The following TRPA1 variants were observed in gnomAD, a reference collection of about 807,000 sequenced individuals.
TRPA1 encodes the protein transient receptor potential cation channel subfamily A member 1.
A neutral mutation model predicts 131.3 loss-of-function variants in TRPA1; 129 were observed. The ratio of observed to expected loss-of-function variants is 0.98; its 90% confidence interval spans 0.85 to 1.14. The LOEUF (loss-of-function observed/expected upper bound fraction) is 1.14, where lower values mean the gene tolerates loss of function less well. Ranked by LOEUF, TRPA1 falls within the 50% of genes most tolerant of loss-of-function variation. The pLI is 0.00. For synonymous variants in TRPA1, 441 were observed against 451.7 expected (o/e 0.98, Z 0.30); for missense variants, 1,304 against 1,354.2 (o/e 0.96, Z 0.58).
chr8:72,050,824 T>C lies in TRPA1; in HGVS notation c.1859A>G (p.Lys620Arg), dbSNP rs765191132. The change falls in exon 15 of 27, where the codon AAA (lysine) becomes AGA (arginine). Residue 620 changes from lysine to arginine, a missense_variant. Transcript: ENST00000262209. ...KIFSHNSPGN[K>R]CPITEMIEYL... ...TTCTATCATTTCTGTAATTGGACAT[T>C]TATTGCCTGGAGAATTATGACTGAA... The C allele has an allele frequency of 9.3e-6, 15 of 1,612,068 alleles. No individual in the cohort carries two copies. Among genetic ancestry groups the C allele is most frequent in the Admixed American group, 1.7e-5 (1 of 59,910 alleles).
chr8:72,030,183 A>T (rs759926823), intron 23 of TRPA1, among the ~76,000 whole-genome samples: 1 of 152,170 alleles, frequency 6.6e-6, no homozygotes, highest in Non-Finnish European at 1.5e-5. Context: ...CCCATTCCTC[A>T]TAGGTGGCAC....
chr8:72,043,597 C>T (rs1202269915), intron 17 of TRPA1, among the ~76,000 whole-genome samples: 1 of 151,714 alleles, frequency 6.6e-6, no homozygotes, highest in African/African-American at 2.4e-5. Flanking sequence ...AATTCTCAGA[C>T]ATTATCCTTT....
intron 21 of TRPA1, 90 bp downstream of exon 21, chr8:72,036,198 G>A: frequency 7.4e-7 from 1 of 1,342,554 alleles, no homozygotes; most frequent in Non-Finnish European, 1.0e-6. Context: ...AAAGGAATAA[G>A]CCAGTTTTAA....
rs564619453 is a variant in TRPA1, at chr8:72,069,018, C to T, written c.444+5G>A. The T allele has an allele frequency of 1.2e-6, 2 of 1,614,218 alleles. No individual in the cohort carries two copies. Among genetic ancestry groups the T allele is most frequent in the Non-Finnish European group, 1.7e-6 (2 of 1,180,032 alleles). Reference sequence around the variant, plus strand: ...AGGCCCTTTGGAGCCGGCCAGTAGCCTTACCTTCATCACCTCATTATTCAT... The same window carrying T: ...AGGCCCTTTGGAGCCGGCCAGTAGCTTTACCTTCATCACCTCATTATTCAT... On this transcript the variant is annotated splice_donor_5th_base_variant and intron_variant, in intron 3 of 26. Transcript: ENST00000262209.
At chr8:72,048,434 A>C (rs768430771) in intron 15 of TRPA1, among the ~76,000 whole-genome samples, 9 of 152,118 alleles carry the variant, frequency 5.9e-5, no homozygotes, top group Non-Finnish European at 1.3e-4. Context: ...GGGACTAAGA[A>C]AATTACAAGG....
At chr8:72,079,560 A>G (rs749307040), upstream of TRPA1, among the ~76,000 whole-genome samples, 12 of 152,038 alleles carry the variant, frequency 7.9e-5, no homozygotes, top group Non-Finnish European at 1.8e-4. Flanking sequence ...TCCATTGATT[A>G]ATATCTCTAT....
At position 72,053,812 on chromosome 8, in the gene TRPA1, T is replaced by C; in HGVS notation, c.1585A>G (p.Thr529Ala). The C allele has an allele frequency of 6.2e-7, 1 of 1,612,506 alleles. No individual in the cohort carries two copies. Among genetic ancestry groups the C allele is most frequent in the South Asian group, 1.1e-5 (1 of 90,944 alleles). Residue 529 changes from threonine (T) to alanine (A), a missense_variant, in exon 13 of 27, where the codon ACC (threonine) becomes GCC (alanine). Thr to Ala is a moderately conservative substitution (Grantham distance 58). Coordinates refer to ENST00000262209, the MANE Select transcript of TRPA1 (RefSeq NM_007332.3). ...HHASMGGYTQTMKVILDTNLK... is the reference protein window; with the variant it reads ...HHASMGGYTQAMKVILDTNLK... ...TTAGTATCAAGAATGACCTTCATGG[T>C]CTGAGTGTACCCGCCCATGGACGCA... is the stretch of plus-strand genomic sequence containing the variant.
chr8:72,078,199 T>C (rs150045914), upstream of TRPA1, among the ~76,000 whole-genome samples: 447 of 152,178 alleles, frequency 2.9e-3, 2 homozygotes, highest in African/African-American at 9.9e-3. Flanking sequence ...TCCAGATATG[T>C]TATTAATGAA....
intron 17 of TRPA1, among the ~76,000 whole-genome samples, chr8:72,044,564 C>G (rs1473884301): frequency 6.6e-6 from 1 of 151,952 alleles, no homozygotes; most frequent in African/African-American, 2.4e-5. Flanking sequence ...GTAAATAAGA[C>G]AAAGTATCCA....
chr8:72,072,829 A>G (rs1440491518), intron 1 of TRPA1, among the ~76,000 whole-genome samples: 1 of 152,076 alleles, frequency 6.6e-6, no homozygotes, highest in Non-Finnish European at 1.5e-5. Context: ...CCAGTTCCAC[A>G]CTCTTTAGAG....
chr8:72,088,524 G>A, the TRPA1 span, among the ~76,000 whole-genome samples: 1 of 151,980 alleles, frequency 6.6e-6, no homozygotes, highest in Non-Finnish European at 1.5e-5. Context: ...ATGGAAAGGA[G>A]AAAATAACTT....
chr8:72,087,000 A>C, the TRPA1 span, among the ~76,000 whole-genome samples: 2 of 152,322 alleles, frequency 1.3e-5, no homozygotes, highest in South Asian at 4.1e-4. Context: ...TCTCACTCTC[A>C]TTAAAGCTGA....
upstream of TRPA1, among the ~76,000 whole-genome samples, chr8:72,078,635 T>A (rs1182594823): frequency 2.0e-5 from 3 of 152,144 alleles, no homozygotes; most frequent in African/African-American, 7.2e-5. Context: ...GGGTATACCA[T>A]GTTTTCTTTA....
At chr8:72,028,968 G>C (rs1309394138) in intron 24 of TRPA1, among the ~76,000 whole-genome samples, 1 of 152,140 alleles carries the variant, frequency 6.6e-6, no homozygotes, top group African/African-American at 2.4e-5. Flanking sequence ...TAGTCAACTG[G>C]TCACCAAATA....
chr8:72,075,334 G>C lies in TRPA1; in HGVS notation c.76C>G (p.Pro26Ala), dbSNP rs1806151149. Residue 26 changes from proline to alanine, a missense_variant, in exon 1 of 27, where the codon CCG (proline) becomes GCG (alanine). Transcript: ENST00000262209. ...EPQGVVYEDV[P>A]DDTEDFKESL... The stretch of plus-strand genomic sequence containing the variant: ...TCCTTGAAATCCTCCGTGTCGTCCG[G>C]CACATCCTCATAGACAACGCCCTGG... 6.2e-7 allele frequency: 1 copy of C among 1,613,148 alleles called. No individual in the cohort carries two copies. Among genetic ancestry groups the C allele is most frequent in the Non-Finnish European group, 8.5e-7 (1 of 1,179,782 alleles).
intron 24 of TRPA1, among the ~76,000 whole-genome samples, 162 bp from the exon 25 acceptor site, chr8:72,026,235 C>G (rs1157592495): frequency 1.3e-5 from 2 of 152,244 alleles, no homozygotes; most frequent in East Asian, 3.8e-4. Flanking sequence ...CCCTAGCTCA[C>G]AGTCACCTGC....
In TRPA1 at chr8:72,062,952, A is replaced by G; in HGVS notation, c.662-8T>C. The G allele has an allele frequency of 6.2e-7, 1 of 1,612,920 alleles. No homozygotes were observed. Among genetic ancestry groups the G allele is most frequent in the Non-Finnish European group, 8.5e-7 (1 of 1,179,160 alleles). ...TGTACCCATGCTCTTCACCTTGAGA[A>G]GAAAATAACATTCAACATAACAAAT... On this transcript the variant is annotated splice_region_variant and splice_polypyrimidine_tract_variant and intron_variant, in intron 5 of 26. Transcript: ENST00000262209.
intron 4 of TRPA1, among the ~76,000 whole-genome samples, chr8:72,064,263 T>A (rs1220124121): frequency 1.0e-5 from 1 of 97,826 alleles, no homozygotes; most frequent in Non-Finnish European, 2.0e-5. Context: ...TATATATATA[T>A]AATATATATA....
chr8:72,065,741 A>AT (rs1805916641), intron 3 of TRPA1, among the ~76,000 whole-genome samples, 183 bp from the exon 4 acceptor site: 1 of 152,218 alleles, frequency 6.6e-6, no homozygotes, highest in East Asian at 1.9e-4. Flanking sequence ...TTTCCCCATT[A>AT]GATGAAATAA....
Sources: allele counts gnomAD v4.1 joint callset (sites outside exome capture counted in the v4.1 genomes callset), GRCh38; gene constraint gnomAD v4.1.1; transcripts MANE v1.5; gene names NCBI Gene and HGNC (gene_info 2026-07-23, HGNC 2026-07-21).